The following DNAH6 variants were observed in gnomAD, a reference collection of about 807,000 sequenced individuals.
DNAH6 encodes the protein dynein axonemal heavy chain 6, also known as axonemal beta dynein heavy chain 6.
Under a neutral mutation model 491.4 loss-of-function variants are expected in DNAH6, and 340 were observed. The observed-to-expected ratio is 0.69, with a 90% confidence interval of 0.63 to 0.76. DNAH6 has a LOEUF of 0.76. DNAH6 is among the 30% of genes least tolerant of loss of function. DNAH6 has a pLI of 0.00. For missense variants in DNAH6, 4,443 were observed against 4,972.2 expected, an observed-to-expected ratio of 0.89 and a Z score of 3.20; for synonymous variants, 1,603 against 1,686.1, an observed-to-expected ratio of 0.95 and a Z score of 1.21.
At position 84,594,063 on chromosome 2, in the gene DNAH6, A is replaced by G. The variant is rs1684349637; in HGVS notation, c.2702A>G (p.Lys901Arg). The G allele has an allele frequency of 1.3e-6, 2 of 1,547,772 alleles. No individual in the cohort carries two copies. The highest frequency in any genetic ancestry group is 1.7e-6 in the Non-Finnish European group (2 of 1,144,072). The stretch of plus-strand genomic sequence containing the variant: ...TGGGATTCTTTCTCTGAATGGGATA[A>G]ACTCCAACAAGAATGGTTAAAGGTA... The part of the protein sequence containing the change: ...LLWDSFSEWD[K>R]LQQEWLKSKF... Residue 901 changes from lysine (K) to arginine (R), a missense_variant, in exon 17 of 77, where the codon AAA becomes AGA. By Grantham distance (26) the Lys-to-Arg change is conservative. This residue lies in a region of DNAH6 where 2,977 missense variants were observed against 3,296.6 expected (regional missense o/e 0.90). Transcript: ENST00000389394.
chr2:84,515,147 C>A (rs943914254), upstream of DNAH6, among the ~76,000 whole-genome samples: 8 of 152,068 alleles, frequency 5.3e-5, no homozygotes, highest in African/African-American at 1.7e-4. Flanking sequence ...TTTCTTTTTC[C>A]ATTATTAGTT....
intron 29 of DNAH6, among the ~76,000 whole-genome samples, chr2:84,627,391 A>T (rs1687981240): frequency 6.6e-6 from 1 of 152,126 alleles, no homozygotes; most frequent in African/African-American, 2.4e-5. Context: ...GTCTTTACTG[A>T]GTCATCATAC....
chr2:84,586,838 G>A (rs548444300), intron 15 of DNAH6, among the ~76,000 whole-genome samples: 1 of 152,220 alleles, frequency 6.6e-6, no homozygotes, highest in Non-Finnish European at 1.5e-5. Flanking sequence ...ACCATATACT[G>A]TATTCTATAC....
rs559227278 is a variant in DNAH6 at position 84,550,009 on chromosome 2, C to T, written c.1437C>T (p.Val479=). The T allele has an allele frequency of 5.4e-5, 87 of 1,613,954 alleles. 4 individuals are homozygous for T. In the South Asian group the frequency reaches 9.6e-4, roughly 18 times the overall value. Residue 479 remains valine (V), a synonymous_variant, in exon 9 of 77, where the codon GTC becomes GTT. Coordinates refer to ENST00000389394, the MANE Select transcript of DNAH6 (RefSeq NM_001370.2). ...DKLKRTPSAD[V]IQKWITEEKP... is the part of the protein sequence containing the mutation. ...TAAAACGAACACCTTCAGCAGATGTCATTCAGAAATGGATTACTGAAGAGA... is the reference window on the plus strand; with the variant it reads ...TAAAACGAACACCTTCAGCAGATGTTATTCAGAAATGGATTACTGAAGAGA...
chr2:84,812,224 A>G (rs1452121965), intron 72 of DNAH6, 117 bp from the exon 73 acceptor site: 1 of 820,396 alleles, frequency 1.2e-6, no homozygotes, highest in Non-Finnish European at 1.9e-6. Context: ...TGCAAAGAGG[A>G]TAGAACCTAG....
chr2:84,572,735 A>G (rs1428148629), intron 11 of DNAH6, among the ~76,000 whole-genome samples: 1 of 152,238 alleles, frequency 6.6e-6, no homozygotes, highest in African/African-American at 2.4e-5. Flanking sequence ...GACAAATTGC[A>G]GACTTTTACA....
At chr2:84,719,485 G>C (rs138815783) in intron 59 of DNAH6, among the ~76,000 whole-genome samples, 2 of 146,860 alleles carry the variant, frequency 1.4e-5, no homozygotes, top group Non-Finnish European at 3.0e-5. Flanking sequence ...CAGCTCTCTT[G>C]AGTTTTTGTT....
chr2:84,703,674 G>T, intron 50 of DNAH6, 112 bp downstream of exon 50: 2 of 1,017,006 alleles, frequency 2.0e-6, no homozygotes, highest in East Asian at 2.8e-5. Context: ...AAATAATTAA[G>T]TGATAGATTT....
chr2:84,814,085 C>G lies in DNAH6; in HGVS notation c.12113C>G (p.Thr4038Arg). Residue 4038 changes from threonine (T) to arginine (R), a missense_variant, in exon 75 of 77, where the codon ACA becomes AGA. Around this residue, in one of 3 missense-constraint regions of DNAH6, gnomAD observed 1,463 missense variants for 1,656.6 expected, o/e 0.88. Coordinates refer to ENST00000389394, the MANE Select transcript of DNAH6 (RefSeq NM_001370.2). ...DQAAVIEAAKTVQFGQELPMD... is the reference protein window; with the variant it reads ...DQAAVIEAAKRVQFGQELPMD... Reference sequence around the variant, plus strand: ...GCTGCAGTGATAGAAGCTGCCAAGACAGTGCAATTTGGACAAGAACTGCCC... The same window carrying G: ...GCTGCAGTGATAGAAGCTGCCAAGAGAGTGCAATTTGGACAAGAACTGCCC... The G allele has an allele frequency of 6.4e-6, 10 of 1,551,718 alleles. No homozygotes were observed. The highest frequency in any genetic ancestry group is 7.8e-6 in the Non-Finnish European group (9 of 1,146,986).
At chr2:84,553,067 G>A in intron 10 of DNAH6, 33 bp downstream of exon 10, 1 of 1,292,658 alleles carries the variant, frequency 7.7e-7, no homozygotes, top group Non-Finnish European at 1.1e-6. Flanking sequence ...CCACATGCAA[G>A]CACCTATTTG....
chr2:84,673,316 TG>T (rs1692925285), intron 40 of DNAH6, among the ~76,000 whole-genome samples: 1 of 152,064 alleles, frequency 6.6e-6, no homozygotes, highest in Non-Finnish European at 1.5e-5. Flanking sequence ...GAGGAGCTGC[TG>T]AAGGAAATGT....
chr2:84,795,141 A>G (rs1156861252), intron 68 of DNAH6, among the ~76,000 whole-genome samples: 1 of 134,802 alleles, frequency 7.4e-6, no homozygotes, highest in East Asian at 2.3e-4. Context: ...GAACACATGG[A>G]CACAGGAGGG....
intron 31 of DNAH6, among the ~76,000 whole-genome samples, chr2:84,637,931 C>G (rs1395220518): frequency 6.6e-6 from 1 of 151,892 alleles, no homozygotes; most frequent in Non-Finnish European, 1.5e-5. Context: ...AAATGCTAGC[C>G]AAAAATTGAT....
chr2:84,505,118 A>G, the DNAH6 span, among the ~76,000 whole-genome samples: 1 of 152,184 alleles, frequency 6.6e-6, no homozygotes, highest in Admixed American at 6.5e-5. Context: ...CAATGCTATT[A>G]TACATGGAAT....
intron 33 of DNAH6, among the ~76,000 whole-genome samples, chr2:84,651,102 A>G (rs1175610632): frequency 7.9e-5 from 12 of 152,230 alleles, no homozygotes; most frequent in Admixed American, 3.3e-4. Context: ...GAAGCGCCTC[A>G]TTACTGTTCC....
intron 60 of DNAH6, among the ~76,000 whole-genome samples, chr2:84,726,339 A>T (rs949330756): frequency 6.6e-6 from 1 of 152,098 alleles, no homozygotes; most frequent in Non-Finnish European, 1.5e-5. Flanking sequence ...CTGCAAACAC[A>T]TGCCCCTCAG....
Position 84,646,342 on chromosome 2 carries a change from T to C in DNAH6, c.5078+4288T>C, listed in dbSNP as rs144560202. Among the ~76,000 whole-genome samples, 349 of 152,188 alleles carry C rather than the reference T, an allele frequency of 2.3e-3. 3 individuals carry two copies. Among genetic ancestry groups the C allele is most frequent in the Non-Finnish European group, 2.0e-3 (134 of 68,002 alleles). ...CCTCTTCTCTGAGACATAATAATAT[T>C]GAAATTAGGCCAACTAATGACCCTA... On this transcript the variant is annotated intron_variant, in intron 33 of 76. Transcript: ENST00000389394.
intron 56 of DNAH6, among the ~76,000 whole-genome samples, chr2:84,710,804 A>G (rs573265569): frequency 1.3e-5 from 2 of 152,120 alleles, no homozygotes; most frequent in African/African-American, 2.4e-5. Flanking sequence ...TTACTTGGGC[A>G]TAAGTCAGAA....
Position 84,819,515 on chromosome 2 carries a change from T to C in DNAH6, c.*107T>C. 1 of 675,844 alleles carries C rather than the reference T, an allele frequency of 1.5e-6. No homozygotes were observed. Among genetic ancestry groups the C allele is most frequent in the Non-Finnish European group, 2.4e-6 (1 of 408,980 alleles). 41.9% of individuals were successfully genotyped at this position (675,844 alleles called of 1,614,324 possible). A position where few individuals can be genotyped will look rare whatever the true frequency, so the allele number is the denominator to read the frequency against. ...TGAGCAAAACGGTGTTAATTCTGAT[T>C]TGACTTAAACGTATTGTGACTTTTA... On this transcript the variant is annotated 3_prime_UTR_variant, in exon 77 of 77. Transcript: ENST00000389394.
Sources: allele counts gnomAD v4.1 joint callset (sites outside exome capture counted in the v4.1 genomes callset), GRCh38; gene constraint gnomAD v4.1.1; regional missense constraint gnomAD v4.1.1; transcripts MANE v1.5; gene names NCBI Gene and HGNC (gene_info 2026-07-23, HGNC 2026-07-21).